The following ZXDC variants were observed in gnomAD, a reference collection of about 807,000 sequenced individuals.
ZXDC encodes zinc finger protein ZXDC.
In ZXDC, 58 loss-of-function variants were observed where a neutral mutation model predicts 63.6. The observed-to-expected ratio is 0.91, with a 90% confidence interval of 0.74 to 1.13. The LOEUF is 1.13. ZXDC is among the 50% of genes most tolerant of loss of function. The probability of loss-of-function intolerance (pLI) is 0.00; values close to 1 mark genes in which losing one functional copy is unlikely to be tolerated. For synonymous variants in ZXDC, 561 were observed against 496.1 expected, an observed-to-expected ratio of 1.13 and a Z score of -1.74; for missense variants, 1,133 against 1,148.9, an observed-to-expected ratio of 0.99 and a Z score of 0.20.
In ZXDC at chr3:126,453,857, G is replaced by A. The variant is rs377318000; in HGVS notation, c.2212+5796C>T. The stretch of plus-strand genomic sequence containing the variant: ...TGGGATTACAGGCATGAGCCACCGC[G>A]CCCAGCCTCGCTTTTATTTCTTCTT... On this transcript the variant is annotated intron_variant, in intron 7 of 9. Coordinates refer to ENST00000389709, the MANE Select transcript of ZXDC (RefSeq NM_025112.5). 1.4e-3 allele frequency: 1,343 copies of A among 985,056 alleles called. 5 individuals are homozygous for A. The highest frequency in any genetic ancestry group is 0.012 in the East Asian group (106 of 8,808). The allele number at this position is 985,056 out of a possible 1,614,324, so 61.0% of individuals were successfully genotyped here.
rs935309553 is a variant in ZXDC, at chr3:126,452,043, C to T, written c.2212+7610G>A. On this transcript the variant is annotated intron_variant, in intron 7 of 9. Coordinates refer to ENST00000389709, the MANE Select transcript of ZXDC (RefSeq NM_025112.5). ...GTATGGAATTCTAATATTTTTTTTT[C>T]CCTAAAAGGCCAGCATTCACCTGTC... The T allele has an allele frequency of 3.0e-6, 3 of 984,824 alleles. No homozygotes were observed. The African/African-American group carries it at 5.3e-5, about 17-fold the overall frequency. The allele number at this position is 984,824 out of a possible 1,614,324, so 61.0% of individuals were successfully genotyped here.
intron 7 of ZXDC, chr3:126,454,370 T>C (rs111998152): frequency 1.0e-6 from 1 of 985,448 alleles, no homozygotes; most frequent in Non-Finnish European, 1.2e-6. Context: ...AGTTCTGTTG[T>C]AGGCTACACA....
chr3:126,475,450 C>T lies in ZXDC; in HGVS notation c.416G>A (p.Arg139His). 8.4e-7 allele frequency: 1 copy of T among 1,197,032 alleles called. No homozygotes were observed. The highest frequency in any genetic ancestry group is 1.0e-6 in the Non-Finnish European group (1 of 967,924). The allele number at this position is 1,197,032 out of a possible 1,614,324, so 74.2% of individuals were successfully genotyped here. ...VTISSQDLLVRLDRGVLALSA... is the reference protein window; with the variant it reads ...VTISSQDLLVHLDRGVLALSA... Reference sequence around the variant, plus strand: ...CAGCGCGAGGACGCCGCGGTCGAGACGCACCAGCAGGTCCTGGCTGCTGAT... The same window carrying T: ...CAGCGCGAGGACGCCGCGGTCGAGATGCACCAGCAGGTCCTGGCTGCTGAT... Residue 139 changes from arginine (R) to histidine (H), a missense_variant, in exon 1 of 10, where the codon CGT (arginine) becomes CAT (histidine). Arg to His is a conservative substitution (Grantham distance 29, BLOSUM62 0). Transcript: ENST00000389709.
intron 4 of ZXDC, among the ~76,000 whole-genome samples, chr3:126,469,686 C>T (rs1934904222): frequency 6.6e-6 from 1 of 152,178 alleles, no homozygotes; most frequent in Non-Finnish European, 1.5e-5. Flanking sequence ...CCGCCTCCAA[C>T]ACCCACACGC....
In ZXDC at chr3:126,461,579, C is replaced by A; in HGVS notation, c.2083G>T (p.Ala695Ser). ...CCTGCACTGAGCTCTGTGTCCTGGG[C>A]ACCGTGCTGCTCTGCTGGACTGGGC... Reference protein sequence around the residue: ...TLPSPAEQHGAQDTELSAGTG... With the variant: ...TLPSPAEQHGSQDTELSAGTG... The change falls in exon 6 of 10, where the codon GCC becomes TCC. Residue 695 changes from alanine to serine, a missense_variant. Transcript: ENST00000389709. 1.9e-6 allele frequency: 3 copies of A among 1,614,144 alleles called. No individual in the cohort carries two copies. The highest frequency in any genetic ancestry group is 1.1e-5 in the South Asian group (1 of 91,076).
chr3:126,467,167 C>A (rs1934804538), intron 4 of ZXDC, among the ~76,000 whole-genome samples: 2 of 152,194 alleles, frequency 1.3e-5, no homozygotes, highest in South Asian at 4.2e-4. Context: ...GAGTATGCAG[C>A]CCTCGAGGTG....
Position 126,466,320 on chromosome 3 carries a change from A to G in ZXDC, c.1276T>C (p.Cys426Arg), listed in dbSNP as rs367719421. Reference protein sequence around the residue: ...KPFECPVEGCCARFSARSSLY... With the variant: ...KPFECPVEGCRARFSARSSLY... The stretch of plus-strand genomic sequence containing the variant: ...CTGCTACGAGCGGAGAACCTCGCGC[A>G]ACATCCTGGAACAAAAAGAGTAATG... Residue 426 changes from cysteine (C) to arginine (R), a missense_variant, in exon 5 of 10, where the codon TGC becomes CGC. Cys to Arg is a radical substitution (Grantham distance 180). Coordinates refer to ENST00000389709, the MANE Select transcript of ZXDC (RefSeq NM_025112.5). The G allele has an allele frequency of 1.4e-4, 219 of 1,614,106 alleles. No homozygotes were observed. Among genetic ancestry groups the G allele is most frequent in the Non-Finnish European group, 1.8e-4 (209 of 1,180,052 alleles).
At chr3:126,441,126 C>A in intron 8 of ZXDC, 1 of 985,704 alleles carries the variant, frequency 1.0e-6, no homozygotes, top group Non-Finnish European at 1.2e-6. Flanking sequence ...CAAACTGAGA[C>A]TGAAGATGCA....
intron 1 of ZXDC, among the ~76,000 whole-genome samples, 198 bp from the exon 2 acceptor site, chr3:126,472,503 T>C (rs570054354): frequency 2.6e-5 from 4 of 152,264 alleles, no homozygotes; most frequent in South Asian, 2.1e-4. Flanking sequence ...TGGCAGCCAA[T>C]AGGCACACGC....
chr3:126,459,463 T>G (rs1293947616), intron 7 of ZXDC, 190 bp downstream of exon 7: 7 of 985,392 alleles, frequency 7.1e-6, no homozygotes, highest in Non-Finnish European at 7.2e-6. Flanking sequence ...ATGTTCATAC[T>G]GATGCTGGGA....
intron 3 of ZXDC, among the ~76,000 whole-genome samples, chr3:126,471,364 C>T (rs965522522): frequency 2.0e-5 from 3 of 152,262 alleles, no homozygotes; most frequent in South Asian, 2.1e-4. Flanking sequence ...ACAAGCTTTC[C>T]GAGCGACAGA....
chr3:126,473,175 C>T (rs534923228), intron 1 of ZXDC, among the ~76,000 whole-genome samples: 1 of 152,276 alleles, frequency 6.6e-6, no homozygotes, highest in African/African-American at 2.4e-5. Context: ...CAAAATACCT[C>T]CAGGGTATTT....
Position 126,475,885 on chromosome 3 carries a change from T to TCGGAGCAGCTTCGGACG in ZXDC, c.-21_-20insCGTCCGAAGCTGCTCCG, listed in dbSNP as rs1168451891. 2.8e-5 allele frequency: 30 copies of TCGGAGCAGCTTCGGACG among 1,072,792 alleles called. No homozygotes were observed. The East Asian group carries it at 1.5e-3, about 53-fold the overall frequency. The allele number at this position is 1,072,792 out of a possible 1,614,324, so 66.5% of individuals were successfully genotyped here. A position where few individuals can be genotyped will look rare whatever the true frequency, so the allele number is the denominator to read the frequency against. On this transcript the variant is annotated 5_prime_UTR_variant, in exon 1 of 10. Transcript: ENST00000389709. Reference sequence around the variant, plus strand: ...GTCCATCTTGGTCCCAGCGACGGCGTCGGAGCAGCTTCGGACGCAGAGCTG... The same window carrying TCGGAGCAGCTTCGGACG: ...GTCCATCTTGGTCCCAGCGACGGCGTCGGAGCAGCTTCGGACGCGGAGCAGCTTCGGACGCAGAGCTG...
In ZXDC at chr3:126,466,264, C is replaced by T; in HGVS notation, c.1332G>A (p.Gln444=). The T allele has an allele frequency of 1.2e-6, 2 of 1,614,232 alleles. No homozygotes were observed. The highest frequency in any genetic ancestry group is 1.7e-6 in the Non-Finnish European group (2 of 1,180,050). The part of the protein sequence containing the change: ...SLYIHSKKHV[Q]DVGAPKSRCP... ...AACGGCTTTTCGGAGCACCCACATC[C>T]TGCACGTGTTTCTTAGAGTGAATGT... Residue 444 remains glutamine, a synonymous_variant, in exon 5 of 10, where the codon CAG becomes CAA. Transcript: ENST00000389709.
chr3:126,454,101 T>C (rs2107639651), intron 7 of ZXDC: 1 of 933,006 alleles, frequency 1.1e-6, no homozygotes, highest in African/African-American at 1.8e-5. Context: ...ATAGTTTTCC[T>C]GATGCCCTAA....
intron 7 of ZXDC, 52 bp from the exon 8 acceptor site, chr3:126,441,998 G>A (rs756013314): frequency 8.2e-5 from 123 of 1,507,952 alleles, no homozygotes; most frequent in Non-Finnish European, 9.7e-5. Flanking sequence ...TACCAGTCAG[G>A]TCTGCCCTTA....
intron 7 of ZXDC, among the ~76,000 whole-genome samples, chr3:126,456,280 G>A (rs1934305422): frequency 6.6e-6 from 1 of 152,262 alleles, no homozygotes; most frequent in Non-Finnish European, 1.5e-5. Context: ...CTAGACCCTT[G>A]GAAAGTCCTG....
intron 7 of ZXDC, among the ~76,000 whole-genome samples, chr3:126,445,293 G>T (rs551000144): frequency 6.6e-6 from 1 of 152,212 alleles, no homozygotes; most frequent in African/African-American, 2.4e-5. Context: ...GGCTGGCAAA[G>T]GTGAGGACTT....
rs1302085683 is a variant in ZXDC, at chr3:126,475,280, G to A, written c.586C>T (p.Leu196=). ...CCCTGACCGCCGCCGTGCGTGAGCA[G>A]GTGCACCTTGAGCTGGTGCTTCTTG... ...FAKKHQLKVH[L]LTHGGGQGRR... The change falls in exon 1 of 10, where the codon CTG becomes TTG. Residue 196 remains leucine, a synonymous_variant. Transcript: ENST00000389709. 2.6e-6 allele frequency: 4 copies of A among 1,551,790 alleles called. No individual in the cohort carries two copies. Among genetic ancestry groups the A allele is most frequent in the Middle Eastern group, 1.7e-4 (1 of 5,982 alleles).
Sources: gnomAD v4.1 joint callset for allele counts (sites outside exome capture counted in the v4.1 genomes callset) on GRCh38, gnomAD v4.1.1 for gene constraint, MANE v1.5 for transcripts, NCBI Gene and HGNC (gene_info 2026-07-23, HGNC 2026-07-21) for gene names.